RAD51: variants seen among roughly 807,000 people sequenced by gnomAD.
RAD51 encodes RAD51 recombinase.
RAD51 carries 14 observed loss-of-function variants against 41.5 expected under a neutral mutation model. The ratio of observed to expected loss-of-function variants is 0.34; its 90% CI spans 0.22 to 0.53. The LOEUF is 0.53. Ranked by LOEUF, RAD51 falls within the 20% of genes least tolerant of loss-of-function variation. The pLI is 0.95. For synonymous variants in RAD51, 136 were observed against 148.6 expected (o/e 0.92, Z 0.62); for missense variants, 234 against 422.0 (o/e 0.55, Z 3.90).
chr15:40,698,644 TG>T, intron 1 of RAD51, 112 bp from the exon 2 acceptor site: 1 of 959,446 alleles, frequency 1.0e-6, no homozygotes, highest in Non-Finnish European at 1.7e-6. Flanking sequence ...AATAAGAGAA[TG>T]GCCTTGGCTT....
At position 40,731,644 on chromosome 15, in the gene RAD51, T is replaced by G; in HGVS notation, c.*466T>G. 4.0e-6 allele frequency: 1 copy of G among 247,164 alleles called. No homozygotes were observed. The highest frequency in any genetic ancestry group is 8.0e-6 in the Non-Finnish European group (1 of 124,900). 15.3% of individuals were successfully genotyped at this position (247,164 alleles called of 1,614,324 possible). ...TCTGTCAGTAAAACTCTCAAGCAGG[T>G]TTTTAAGTTGTCTGTCTGAATGATC... is the stretch of plus-strand genomic sequence containing the variant. On this transcript the variant is annotated 3_prime_UTR_variant, in exon 10 of 10. Coordinates refer to ENST00000267868, the MANE Select transcript of RAD51 (RefSeq NM_002875.5).
chr15:40,713,166 G>A (rs779860819), intron 5 of RAD51, among the ~76,000 whole-genome samples: 42 of 151,138 alleles, frequency 2.8e-4, no homozygotes, highest in Admixed American at 6.6e-4. Flanking sequence ...ACAGGAGTGA[G>A]CCACCGTGCC....
chr15:40,701,236 G>C (rs1388440803), intron 3 of RAD51, 35 bp downstream of exon 3: 1 of 1,609,322 alleles, frequency 6.2e-7, no homozygotes, highest in Middle Eastern at 1.7e-4. Context: ...GGAGGCATTA[G>C]TGGGAATAGT....
At chr15:40,705,469 C>G (rs1045073052) in intron 3 of RAD51, among the ~76,000 whole-genome samples, 1 of 152,116 alleles carries the variant, frequency 6.6e-6, no homozygotes, top group African/African-American at 2.4e-5. Context: ...GGCAAATGTC[C>G]TCATTTTTAC....
intron 6 of RAD51, among the ~76,000 whole-genome samples, chr15:40,728,158 C>A (rs988257047): frequency 4.9e-4 from 74 of 152,300 alleles, no homozygotes; most frequent in African/African-American, 1.7e-3. Context: ...CCGCACCTGG[C>A]CCTCAAAGAA....
chr15:40,698,482 C>A (rs545432570), intron 1 of RAD51, among the ~76,000 whole-genome samples: 1 of 152,044 alleles, frequency 6.6e-6, no homozygotes, highest in Non-Finnish European at 1.5e-5. Context: ...CACCGCGCCC[C>A]GCCAAGATCA....
In RAD51 at chr15:40,709,371, C is replaced by CT. The variant is rs772005920; in HGVS notation, c.435+278dup. ...GGCCTTTTCCTGGCTTTACTTGCTA[C>CT]TTTTTTTTTTTTTTTTTTTTTTTGA... On this transcript the variant is annotated intron_variant, in intron 5 of 9. Transcript: ENST00000267868. Among the ~76,000 whole-genome samples the CT allele has an allele frequency of 0.19, 20,712 of 110,930 alleles. 2,624 individuals are homozygous for CT. Among genetic ancestry groups the CT allele is most frequent in the East Asian group, 0.58 (2,062 of 3,546 alleles). 72.8% of individuals were successfully genotyped at this position (110,930 alleles called of 152,430 possible). A position where few individuals can be genotyped will look rare whatever the true frequency, so the allele number is the denominator to read the frequency against.
At position 40,698,193 on chromosome 15, in the gene RAD51, T is replaced by G. The variant is rs149117512; in HGVS notation, c.-2-564T>G. On this transcript the variant is annotated intron_variant, in intron 1 of 9. Coordinates refer to ENST00000267868, the MANE Select transcript of RAD51 (RefSeq NM_002875.5). ...CTTGTATGAGATGAACTTTTTTTTT[T>G]TTGTTTTTTTTTTTGAGACACAGTC... Among the ~76,000 whole-genome samples the G allele has an allele frequency of 1.2e-3, 177 of 151,904 alleles. 2 individuals are homozygous for G. The East Asian group carries it at 0.014, about 12-fold the overall frequency.
At chr15:40,707,769 A>G (rs967663724) in intron 4 of RAD51, among the ~76,000 whole-genome samples, 1 of 151,734 alleles carries the variant, frequency 6.6e-6, no homozygotes. Context: ...CCAGGCTAGA[A>G]TGCAGTGGCA....
chr15:40,729,216 C>T (rs952202213), intron 7 of RAD51, among the ~76,000 whole-genome samples: 4 of 151,330 alleles, frequency 2.6e-5, no homozygotes, highest in African/African-American at 9.7e-5. Flanking sequence ...TAAAAAAATA[C>T]AAAAAAATTA....
intron 3 of RAD51, among the ~76,000 whole-genome samples, chr15:40,705,596 TTTTTG>T (rs775264250): frequency 2.0e-5 from 3 of 152,186 alleles, no homozygotes; most frequent in East Asian, 1.9e-4. Context: ...CTCTAATAGT[TTTTTG>T]TTTTGTTTTG....
intron 3 of RAD51, among the ~76,000 whole-genome samples, chr15:40,704,235 A>G (rs1595984344): frequency 6.6e-6 from 1 of 151,022 alleles, no homozygotes; most frequent in Non-Finnish European, 1.5e-5. Context: ...CGCCATGCCC[A>G]GCTAATTTTT....
At chr15:40,718,063 C>T (rs1040642361) in intron 5 of RAD51, among the ~76,000 whole-genome samples, 7 of 151,662 alleles carry the variant, frequency 4.6e-5, no homozygotes, top group African/African-American at 1.7e-4. Flanking sequence ...AAAACCCTAT[C>T]TATAAAAAAA....
chr15:40,701,308 A>G (rs1271797553), intron 3 of RAD51, 107 bp downstream of exon 3: 3 of 1,268,844 alleles, frequency 2.4e-6, no homozygotes, highest in Non-Finnish European at 2.3e-6. Context: ...TCATCTCATT[A>G]TCCTTTCCAG....
intron 6 of RAD51, among the ~76,000 whole-genome samples, chr15:40,724,686 T>TTG (rs986702696): frequency 3.3e-5 from 4 of 121,390 alleles, no homozygotes; most frequent in Non-Finnish European, 7.0e-5. Context: ...TTTTTTTTTT[T>TTG]TTTTTTTTTT....
intron 6 of RAD51, among the ~76,000 whole-genome samples, chr15:40,722,237 C>T (rs544835875): frequency 4.8e-4 from 73 of 152,102 alleles, no homozygotes; most frequent in African/African-American, 1.7e-3. Flanking sequence ...CATGGTGAAT[C>T]CCCGTCACTA....
intron 6 of RAD51, 116 bp downstream of exon 6, chr15:40,719,015 G>T: frequency 1.1e-6 from 1 of 923,334 alleles, no homozygotes; most frequent in South Asian, 1.4e-5. Context: ...AAAGTTGTAT[G>T]TGTGGTTCAA....
chr15:40,713,028 C>T (rs1295389759), intron 5 of RAD51, among the ~76,000 whole-genome samples: 4 of 150,224 alleles, frequency 2.7e-5, no homozygotes, highest in South Asian at 2.1e-4. Context: ...ACAGGCATGA[C>T]GGCCACCACG....
rs1894808164 is a variant in RAD51 at position 40,698,740 on chromosome 15, G to A, written c.-2-17G>A. 6.2e-7 allele frequency: 1 copy of A among 1,601,154 alleles called. No individual in the cohort carries two copies. Among genetic ancestry groups the A allele is most frequent in the Admixed American group, 1.7e-5 (1 of 59,966 alleles). ...ATTTCTCTAGTGTTTATACTGATAAGCATTTGTATTTTTCAGTAATGGCAA... is the reference window on the plus strand; with the variant it reads ...ATTTCTCTAGTGTTTATACTGATAAACATTTGTATTTTTCAGTAATGGCAA... On this transcript the variant is annotated splice_polypyrimidine_tract_variant and intron_variant, in intron 1 of 9. Transcript: ENST00000267868.
Sources: allele counts gnomAD v4.1 joint callset (sites outside exome capture counted in the v4.1 genomes callset), GRCh38; gene constraint gnomAD v4.1.1; transcripts MANE v1.5; gene names NCBI Gene and HGNC (gene_info 2026-07-23, HGNC 2026-07-21).